The following GLIS3 variants were observed in gnomAD, a reference collection of about 807,000 sequenced individuals.
GLIS3 encodes zinc finger protein GLIS3.
A neutral mutation model predicts 78.6 loss-of-function variants in GLIS3; 53 were observed. The ratio of observed to expected loss-of-function variants is 0.67; its 90% CI spans 0.54 to 0.85. The LOEUF (loss-of-function observed/expected upper bound fraction) is 0.85. GLIS3 is among the 40% of genes least tolerant of loss of function. GLIS3 has a pLI of 0.00. For missense variants in GLIS3, 1,703 were observed against 1,231.1 expected, an observed-to-expected ratio of 1.38 and a Z score of -5.74; for synonymous variants, 684 against 509.9, an observed-to-expected ratio of 1.34 and a Z score of -4.60.
rs1436883858 is a variant in GLIS3 at position 3,977,200 on chromosome 9, G to A, written c.1711-40011C>T. On this transcript the variant is annotated intron_variant, in intron 4 of 10. Transcript: ENST00000381971. The surrounding 1 kb of genome is among the most constrained non-coding windows in gnomAD (Gnocchi z 4.1). Reference sequence around the variant, plus strand: ...TCCCAAGCCGGGAGAAATATTGTCAGTTCAGATGACAAAAGACCTTGCTAG... The same window carrying A: ...TCCCAAGCCGGGAGAAATATTGTCAATTCAGATGACAAAAGACCTTGCTAG... 6.6e-6 allele frequency among the ~76,000 whole-genome samples: 1 copy of A among 152,132 alleles called. No individual in the cohort carries two copies. The highest frequency in any genetic ancestry group is 1.5e-5 in the Non-Finnish European group (1 of 68,016).
At chr9:4,287,816 A>C (rs1310313379) in intron 1 of GLIS3, among the ~76,000 whole-genome samples, 2 of 152,250 alleles carry the variant, frequency 1.3e-5, no homozygotes, top group African/African-American at 4.8e-5. Context: ...AAAAATATCT[A>C]ATTTTAACTC....
Position 4,339,357 on chromosome 9 carries a change from T to C in GLIS3, n.264+7724A>G, listed in dbSNP as rs111475650. 6.8e-3 allele frequency among the ~76,000 whole-genome samples: 1,043 copies of C among 152,324 alleles called. 15 individuals carry two copies. The highest frequency in any genetic ancestry group is 0.023 in the African/African-American group (957 of 41,574). ...TACCAAAGACAGCCGATGAATTGTGTTCATGAAATACATGCTTCACTCTAC... is the reference window on the plus strand; with the variant it reads ...TACCAAAGACAGCCGATGAATTGTGCTCATGAAATACATGCTTCACTCTAC... On this transcript the variant is annotated intron_variant and non_coding_transcript_variant, in intron 2 of 4. Transcript: ENST00000471664.
intron 1 of GLIS3, among the ~76,000 whole-genome samples, chr9:4,287,396 C>T (rs967448969): frequency 4.6e-5 from 7 of 152,164 alleles, no homozygotes; most frequent in African/African-American, 1.2e-4. Context: ...GATCGCAGGA[C>T]GTCATCACCC....
intron 4 of GLIS3, among the ~76,000 whole-genome samples, chr9:4,036,657 T>C (rs10974295): frequency 0.016 from 2,423 of 152,288 alleles, 54 homozygotes; most frequent in African/African-American, 0.056. Context: ...ACCTACTAAA[T>C]AGGTGCCCAG....
intron 2 of GLIS3, among the ~76,000 whole-genome samples, chr9:4,226,592 C>T (rs946169694): frequency 2.0e-5 from 3 of 152,100 alleles, no homozygotes; most frequent in Non-Finnish European, 4.4e-5. Flanking sequence ...GATATGGCTT[C>T]CTGCTTCCTT....
the GLIS3 span, among the ~76,000 whole-genome samples, chr9:4,453,319 C>A: frequency 2.0e-5 from 2 of 102,252 alleles, no homozygotes; most frequent in South Asian, 3.9e-4. Context: ...AATGGGATCT[C>A]ATTAAACTAA....
intron 4 of GLIS3, among the ~76,000 whole-genome samples, chr9:4,090,026 C>G (rs946041427): frequency 5.9e-5 from 9 of 152,284 alleles, no homozygotes; most frequent in African/African-American, 2.2e-4. Context: ...CCCTTCTGCC[C>G]TGTGTCAGTG....
intron 4 of GLIS3, among the ~76,000 whole-genome samples, chr9:4,104,574 C>A (rs576361620): frequency 6.6e-6 from 1 of 152,118 alleles, no homozygotes; most frequent in Non-Finnish European, 1.5e-5. Context: ...CCTATCACTC[C>A]TCTACTCAAA....
the GLIS3 span, among the ~76,000 whole-genome samples, chr9:4,455,501 A>G: frequency 6.6e-6 from 1 of 152,188 alleles, no homozygotes; most frequent in South Asian, 2.1e-4. Flanking sequence ...TTCTAGTTCC[A>G]GCCCTGTCAC....
In GLIS3 at chr9:4,149,118, A is replaced by C. The variant is rs377681428; in HGVS notation, c.389-23177T>G. Among the ~76,000 whole-genome samples, 4 of 152,312 alleles carry C rather than the reference A, an allele frequency of 2.6e-5. No individual in the cohort carries two copies. The East Asian group carries it at 7.7e-4, about 29-fold the overall frequency. On this transcript the variant is annotated intron_variant, in intron 2 of 10. Coordinates refer to ENST00000381971, the MANE Select transcript of GLIS3 (RefSeq NM_001042413.2). ...AAGAACTTGTACTATTACAGCTGCT[A>C]CTACTACTGCTACTAAGAATAATAA...
intron 4 of GLIS3, chr9:4,305,457 G>A (rs1817204340): frequency 6.6e-6 from 1 of 152,238 alleles, no homozygotes; most frequent in African/African-American, 2.4e-5. Context: ...CTATTGATAA[G>A]GAGCCCAGCC....
intron 4 of GLIS3, among the ~76,000 whole-genome samples, chr9:4,068,074 A>C (rs1827256336): frequency 6.6e-6 from 1 of 152,150 alleles, no homozygotes; most frequent in Non-Finnish European, 1.5e-5. Flanking sequence ...AAAGACTCAA[A>C]ATAAGGAGCT....
chr9:4,368,335 C>T, the GLIS3 span, among the ~76,000 whole-genome samples: 7 of 143,452 alleles, frequency 4.9e-5, no homozygotes, highest in Non-Finnish European at 1.1e-4. Context: ...GCACAAGAAC[C>T]CTGTTTTTTT....
At chr9:4,142,362 A>T (rs986226767) in intron 2 of GLIS3, among the ~76,000 whole-genome samples, 5 of 152,228 alleles carry the variant, frequency 3.3e-5, no homozygotes, top group Admixed American at 1.3e-4. Context: ...ATAATAAACA[A>T]CATAAGATTC....
At chr9:4,408,778 A>G in the GLIS3 span, among the ~76,000 whole-genome samples, 1 of 151,218 alleles carries the variant, frequency 6.6e-6, no homozygotes, top group Admixed American at 6.6e-5. Flanking sequence ...CTAGTATTTG[A>G]TGTCATAACA....
chr9:4,479,497 T>G, the GLIS3 span, among the ~76,000 whole-genome samples: 1 of 152,184 alleles, frequency 6.6e-6, no homozygotes, highest in African/African-American at 2.4e-5. Flanking sequence ...CTACTGCTAG[T>G]AACAAATATG....
intron 2 of GLIS3, among the ~76,000 whole-genome samples, chr9:4,326,340 G>T (rs1225856633): frequency 6.6e-6 from 1 of 152,204 alleles, no homozygotes; most frequent in Non-Finnish European, 1.5e-5. Flanking sequence ...TAAACAAAAT[G>T]TGGTATATAC....
intron 4 of GLIS3, among the ~76,000 whole-genome samples, chr9:3,995,915 T>G (rs2129849197): frequency 6.6e-6 from 1 of 152,216 alleles, no homozygotes; most frequent in African/African-American, 2.4e-5. Flanking sequence ...GAATAAGAAC[T>G]TTCCTGAATT....
chr9:3,854,478 T>C (rs997622990), intron 9 of GLIS3, among the ~76,000 whole-genome samples: 8 of 151,966 alleles, frequency 5.3e-5, no homozygotes, highest in Admixed American at 6.6e-5. Flanking sequence ...GTCTCTTCCT[T>C]CCTACAGCTG....
Sources: allele counts gnomAD v4.1 joint callset (sites outside exome capture counted in the v4.1 genomes callset), GRCh38; gene constraint gnomAD v4.1.1; non-coding constraint Gnocchi (gnomAD v3.1); transcripts MANE v1.5; gene names NCBI Gene and HGNC (gene_info 2026-07-23, HGNC 2026-07-21).